The following ERBB4 variants were observed in gnomAD, a reference collection of about 807,000 sequenced individuals.
ERBB4 encodes the protein receptor tyrosine-protein kinase erbB-4.
A neutral mutation model predicts 158.0 loss-of-function variants in ERBB4; 42 were observed. That is an observed-to-expected ratio of 0.27 (90% confidence interval 0.21 to 0.34). The LOEUF (loss-of-function observed/expected upper bound fraction) is 0.34, where lower values mean the gene tolerates loss of function less well. ERBB4 is among the 10% of genes least tolerant of loss of function. ERBB4 has a pLI of 1.00. For synonymous variants in ERBB4, 583 were observed against 558.7 expected (o/e 1.04, Z -0.61); for missense variants, 1,333 against 1,624.1 (o/e 0.82, Z 3.08).
chr2:212,227,502 C>T (rs759763065), intron 1 of ERBB4, among the ~76,000 whole-genome samples: 2 of 152,026 alleles, frequency 1.3e-5, no homozygotes, highest in South Asian at 2.1e-4. Flanking sequence ...TTTCTTTCAG[C>T]TTGTAGATAA....
intron 1 of ERBB4, among the ~76,000 whole-genome samples, chr2:212,272,041 G>A (rs2085362509): frequency 6.6e-6 from 1 of 151,618 alleles, no homozygotes; most frequent in African/African-American, 2.4e-5. Context: ...ACTTTAGAAT[G>A]TGAAAACAGA....
intron 16 of ERBB4, among the ~76,000 whole-genome samples, chr2:211,636,005 A>G (rs571736748): frequency 1.3e-5 from 2 of 152,076 alleles, no homozygotes; most frequent in East Asian, 1.9e-4. Flanking sequence ...AGATTAAACT[A>G]AATAATTTGA....
At chr2:211,585,127 C>A (rs182053030) in intron 19 of ERBB4, among the ~76,000 whole-genome samples, 1 of 151,860 alleles carries the variant, frequency 6.6e-6, no homozygotes, top group African/African-American at 2.4e-5. Context: ...CCGAGGCGGG[C>A]GGATCACGAA....
intron 1 of ERBB4, among the ~76,000 whole-genome samples, chr2:212,441,161 A>C (rs2092245968): frequency 6.6e-6 from 1 of 152,140 alleles, no homozygotes; most frequent in South Asian, 2.1e-4. Context: ...ATTCTGATGA[A>C]GCTGGGGATA....
intron 2 of ERBB4, among the ~76,000 whole-genome samples, chr2:212,119,504 T>G (rs1270924585): frequency 6.6e-6 from 1 of 152,144 alleles, no homozygotes; most frequent in Non-Finnish European, 1.5e-5. Flanking sequence ...TCCCATTACT[T>G]ACTACATTTT....
In ERBB4 at chr2:211,655,214, C is replaced by T. The variant is rs190806845; in HGVS notation, c.1946+2540G>A. On this transcript the variant is annotated intron_variant, in intron 16 of 27. Coordinates refer to ENST00000342788, the MANE Select transcript of ERBB4 (RefSeq NM_005235.3). ...AGGTGAAGAGAGAGAAATGCTCTCT[C>T]TTCCTTCAAGGGGCCCATCAAAAGG... Among the ~76,000 whole-genome samples the T allele has an allele frequency of 2.6e-5, 4 of 152,188 alleles. No individual in the cohort carries two copies. In the East Asian group the frequency reaches 7.8e-4, roughly 30 times the overall value.
intron 1 of ERBB4, among the ~76,000 whole-genome samples, chr2:212,398,931 T>C (rs1256939805): frequency 6.6e-6 from 1 of 152,152 alleles, no homozygotes; most frequent in Admixed American, 6.6e-5. Context: ...AATATATTGT[T>C]CATTCTATTT....
intron 3 of ERBB4, among the ~76,000 whole-genome samples, chr2:211,828,968 T>A (rs2077162608): frequency 6.6e-6 from 1 of 152,182 alleles, no homozygotes; most frequent in South Asian, 2.1e-4. Flanking sequence ...TACCAACCAC[T>A]CTCTTTCCTT....
At chr2:212,191,146 T>A (rs972439439) in intron 1 of ERBB4, among the ~76,000 whole-genome samples, 2 of 152,106 alleles carry the variant, frequency 1.3e-5, no homozygotes, top group Admixed American at 6.5e-5. Context: ...AAGAAAGTGA[T>A]TCTCAAATTT....
At chr2:212,416,042 G>A (rs1182623446) in intron 1 of ERBB4, among the ~76,000 whole-genome samples, 4 of 152,112 alleles carry the variant, frequency 2.6e-5, no homozygotes, top group African/African-American at 9.7e-5. Flanking sequence ...ACAGGGGCCT[G>A]TGTAATTACA....
intron 20 of ERBB4, among the ~76,000 whole-genome samples, chr2:211,435,387 T>A (rs1164311811): frequency 1.3e-5 from 2 of 152,196 alleles, no homozygotes; most frequent in Non-Finnish European, 2.9e-5. Flanking sequence ...GTTAACTTAA[T>A]CCTATGAGAT....
At chr2:212,309,973 T>C (rs1252538669) in intron 1 of ERBB4, among the ~76,000 whole-genome samples, 3 of 150,554 alleles carry the variant, frequency 2.0e-5, no homozygotes, top group Non-Finnish European at 3.0e-5. Flanking sequence ...AGTTCAACCC[T>C]TGAAGTAAAA....
chr2:211,782,005 C>A (rs113596157), intron 4 of ERBB4, among the ~76,000 whole-genome samples: 7 of 152,088 alleles, frequency 4.6e-5, no homozygotes, highest in African/African-American at 1.7e-4. Context: ...GGCCCAGGTA[C>A]GCTATTCATA....
chr2:211,554,587 G>T (rs374310415), intron 20 of ERBB4, among the ~76,000 whole-genome samples: 1 of 152,216 alleles, frequency 6.6e-6, no homozygotes, highest in South Asian at 2.1e-4. Context: ...GACACCACAG[G>T]TACTGTCTGC....
rs2106046285 is a variant in ERBB4, at chr2:211,704,188, A to G, written c.1205T>C (p.Leu402Pro). The change falls in exon 11 of 28, where the codon CTG (leucine) becomes CCG (proline). Residue 402 changes from leucine to proline, a missense_variant. Around this residue, in one of 5 missense-constraint regions of ERBB4, gnomAD observed 438 missense variants for 586.9 expected, o/e 0.75. Transcript: ENST00000342788. ...GTTTGGTGGCCATGACTGTATGTTC[A>G]GGAAACCTACAAGTGAAGAGTAGAA... ...FRTVREITGF[L>P]NIQSWPPNMT... 1 of 1,601,368 alleles carries G rather than the reference A, an allele frequency of 6.2e-7. No homozygotes were observed. Among genetic ancestry groups the G allele is most frequent in the Non-Finnish European group, 8.6e-7 (1 of 1,168,344 alleles).
At chr2:212,191,994 ATATGTTATATATAATATATGT>A (rs2082265234) in intron 1 of ERBB4, among the ~76,000 whole-genome samples, 1 of 89,348 alleles carries the variant, frequency 1.1e-5, no homozygotes, top group Admixed American at 1.2e-4. Flanking sequence ...TATATGTTAT[ATATGTTATATATAATATATGT>A]TATATGTTAT....
intron 25 of ERBB4, among the ~76,000 whole-genome samples, chr2:211,412,370 A>T (rs184349905): frequency 3.3e-5 from 5 of 152,278 alleles, no homozygotes; most frequent in Admixed American, 3.3e-4. Flanking sequence ...TCCATTTCAG[A>T]TCTGCTCATC....
chr2:212,074,945 C>T (rs540073306), intron 2 of ERBB4, among the ~76,000 whole-genome samples: 33 of 152,004 alleles, frequency 2.2e-4, no homozygotes, highest in African/African-American at 7.5e-4. Context: ...CTGGCAATTT[C>T]TTGAAGCAAT....
At chr2:211,511,866 C>T (rs1236169428) in intron 20 of ERBB4, among the ~76,000 whole-genome samples, 1 of 151,930 alleles carries the variant, frequency 6.6e-6, no homozygotes, top group Admixed American at 6.5e-5. Flanking sequence ...CTCTTGGATC[C>T]ATAATCCTTT....
Sources: allele counts gnomAD v4.1 joint callset (sites outside exome capture counted in the v4.1 genomes callset), GRCh38; gene constraint gnomAD v4.1.1; regional missense constraint gnomAD v4.1.1; transcripts MANE v1.5; gene names NCBI Gene and HGNC (gene_info 2026-07-23, HGNC 2026-07-21).